The following FSTL5 variants were observed in gnomAD, a reference collection of about 807,000 sequenced individuals.
FSTL5 encodes the protein follistatin-related protein 5.
In FSTL5, 62 loss-of-function variants were observed where a neutral mutation model predicts 89.1. That is an observed-to-expected ratio of 0.70 (90% CI 0.57 to 0.86). The LOEUF (loss-of-function observed/expected upper bound fraction) is 0.86, where lower values mean the gene tolerates loss of function less well. Ranked by LOEUF, FSTL5 falls within the 40% of genes least tolerant of loss-of-function variation. FSTL5 has a pLI of 0.00. For synonymous variants in FSTL5, 383 were observed against 346.2 expected, an observed-to-expected ratio of 1.11 and a Z score of -1.18; for missense variants, 1,057 against 1,001.6, an observed-to-expected ratio of 1.06 and a Z score of -0.75.
chr4:161,746,445 T>C (rs1560822170), intron 6 of FSTL5, among the ~76,000 whole-genome samples: 1 of 152,104 alleles, frequency 6.6e-6, no homozygotes, highest in Non-Finnish European at 1.5e-5. Flanking sequence ...CTGGTGAATG[T>C]TTACAAGCCA....
intron 4 of FSTL5, among the ~76,000 whole-genome samples, chr4:161,910,337 C>T (rs1733654725): frequency 6.6e-6 from 1 of 152,122 alleles, no homozygotes; most frequent in African/African-American, 2.4e-5. Context: ...AGTCCCTTGG[C>T]ATTTTCTCTT....
chr4:161,706,271 G>A (rs961287024), intron 6 of FSTL5, among the ~76,000 whole-genome samples: 2 of 151,578 alleles, frequency 1.3e-5, no homozygotes, highest in East Asian at 1.9e-4. Flanking sequence ...CTGTCTGTAT[G>A]CTTTAAATAG....
At chr4:162,006,354 CT>C (rs1473604906) in intron 3 of FSTL5, among the ~76,000 whole-genome samples, 3 of 151,858 alleles carry the variant, frequency 2.0e-5, no homozygotes, top group Non-Finnish European at 2.9e-5. Context: ...AAAACTAGAG[CT>C]TTTAAAAATA....
chr4:161,813,443 G>T (rs1394240056), intron 4 of FSTL5, among the ~76,000 whole-genome samples: 1 of 152,182 alleles, frequency 6.6e-6, no homozygotes, highest in Non-Finnish European at 1.5e-5. Flanking sequence ...CGGGGAGCAT[G>T]TTGTAGTGGA....
chr4:161,398,629 A>C (rs1731080500), intron 15 of FSTL5, among the ~76,000 whole-genome samples: 1 of 152,116 alleles, frequency 6.6e-6, no homozygotes, highest in African/African-American at 2.4e-5. Context: ...GTTTTAACTA[A>C]ATGAAATTGT....
chr4:161,977,588 G>A (rs1374589948), intron 3 of FSTL5, among the ~76,000 whole-genome samples: 3 of 138,090 alleles, frequency 2.2e-5, no homozygotes, highest in Admixed American at 7.7e-5. Flanking sequence ...ACTCCAGCCT[G>A]GGCGACACAG....
intron 3 of FSTL5, among the ~76,000 whole-genome samples, chr4:161,966,159 C>A (rs541221806): frequency 6.6e-6 from 1 of 152,094 alleles, no homozygotes; most frequent in South Asian, 2.1e-4. Flanking sequence ...TTGTTTAATT[C>A]ATTGTTAGTT....
chr4:161,776,139 G>T, intron 4 of FSTL5, 65 bp from the exon 5 acceptor site: 1 of 827,210 alleles, frequency 1.2e-6, no homozygotes, highest in Non-Finnish European at 1.7e-6. Context: ...ATTTAATTAA[G>T]GTTTAGAAGT....
chr4:162,025,604 T>C (rs1161534775), intron 3 of FSTL5, among the ~76,000 whole-genome samples: 2 of 152,074 alleles, frequency 1.3e-5, no homozygotes, highest in South Asian at 2.1e-4. Context: ...AATGATTCCA[T>C]GCACCAATAA....
chr4:161,424,611 G>A (rs1158612312), intron 15 of FSTL5, among the ~76,000 whole-genome samples: 2 of 151,220 alleles, frequency 1.3e-5, no homozygotes, highest in Non-Finnish European at 2.9e-5. Context: ...AGGGAATATT[G>A]CTTCTCTCTT....
intron 7 of FSTL5, among the ~76,000 whole-genome samples, chr4:161,654,781 A>G (rs1736459918): frequency 6.6e-6 from 1 of 152,106 alleles, no homozygotes; most frequent in South Asian, 2.1e-4. Flanking sequence ...AGAGAACATA[A>G]AACTTCAAAA....
At chr4:161,961,488 T>C (rs1735173368) in intron 3 of FSTL5, among the ~76,000 whole-genome samples, 1 of 150,534 alleles carries the variant, frequency 6.6e-6, no homozygotes, top group Non-Finnish European at 1.5e-5. Context: ...TAATTAGTAA[T>C]CAAATAATGT....
intron 15 of FSTL5, among the ~76,000 whole-genome samples, chr4:161,413,055 A>T (rs1396433686): frequency 6.6e-6 from 1 of 152,092 alleles, no homozygotes; most frequent in East Asian, 1.9e-4. Flanking sequence ...AACAAAAACG[A>T]ACAATGGGAC....
At position 161,691,956 on chromosome 4, in the gene FSTL5, T is replaced by C. The variant is rs530499563; in HGVS notation, c.728-35462A>G. Among the ~76,000 whole-genome samples, 396 of 152,184 alleles carry C rather than the reference T, an allele frequency of 2.6e-3. 2 individuals carry two copies. The highest frequency in any genetic ancestry group is 9.3e-3 in the African/African-American group (385 of 41,558). On this transcript the variant is annotated intron_variant, in intron 6 of 15. Transcript: ENST00000306100. Reference sequence around the variant, plus strand: ...TGGACTATATATATGTACACATATATGTATATACACAATATGTATATTCAA... The same window carrying C: ...TGGACTATATATATGTACACATATACGTATATACACAATATGTATATTCAA...
At chr4:161,913,548 T>C (rs1037607994) in intron 4 of FSTL5, among the ~76,000 whole-genome samples, 3 of 152,148 alleles carry the variant, frequency 2.0e-5, no homozygotes, top group Non-Finnish European at 4.4e-5. Flanking sequence ...TCAGAAGATG[T>C]ATGGAAATGC....
intron 3 of FSTL5, among the ~76,000 whole-genome samples, chr4:161,941,055 G>T (rs1734567631): frequency 2.0e-5 from 3 of 151,724 alleles, no homozygotes; most frequent in East Asian, 1.9e-4. Context: ...AAGTGTTTTG[G>T]TATACTATTA....
intron 3 of FSTL5, among the ~76,000 whole-genome samples, chr4:162,031,048 T>C (rs1737501016): frequency 6.6e-6 from 1 of 152,202 alleles, no homozygotes; most frequent in Non-Finnish European, 1.5e-5. Flanking sequence ...TTACTAAATA[T>C]GGCTACCTGG....
intron 2 of FSTL5, among the ~76,000 whole-genome samples, chr4:162,093,718 A>T (rs1276763664): frequency 6.6e-6 from 1 of 152,218 alleles, no homozygotes; most frequent in East Asian, 1.9e-4. Flanking sequence ...AATGTCATTA[A>T]GAAAAGTTTT....
intron 1 of FSTL5, among the ~76,000 whole-genome samples, chr4:162,134,840 T>C (rs554592401): frequency 6.8e-4 from 104 of 152,222 alleles, no homozygotes; most frequent in Non-Finnish European, 9.8e-4. Context: ...AGGAAACTTA[T>C]ACAGTCAGCC....
Sources: gnomAD v4.1 joint callset for allele counts (sites outside exome capture counted in the v4.1 genomes callset) on GRCh38, gnomAD v4.1.1 for gene constraint, MANE v1.5 for transcripts, NCBI Gene and HGNC (gene_info 2026-07-23, HGNC 2026-07-21) for gene names.